ANGPTL3: variants seen among roughly 807,000 people sequenced by gnomAD.
ANGPTL3 encodes angiopoietin-related protein 3.
A neutral mutation model predicts 52.7 loss-of-function variants in ANGPTL3; 51 were observed. The observed-to-expected ratio is 0.97, with a 90% CI of 0.77 to 1.22. The LOEUF (loss-of-function observed/expected upper bound fraction) is 1.22. Among genes scored for constraint, ANGPTL3 ranks in the 50% most tolerant of loss-of-function variants. The pLI is 0.00. For synonymous variants in ANGPTL3, 185 were observed against 179.8 expected, an observed-to-expected ratio of 1.03 and a Z score of -0.23; for missense variants, 506 against 520.7, an observed-to-expected ratio of 0.97 and a Z score of 0.27.
chr1:62,598,141 T>A (rs1649564340), intron 1 of ANGPTL3, 80 bp downstream of exon 1: 2 of 1,291,764 alleles, frequency 1.5e-6, no homozygotes, highest in Non-Finnish European at 2.1e-6. Context: ...GGCATGCCAT[T>A]TGAAATACTT....
intron 5 of ANGPTL3, among the ~76,000 whole-genome samples, chr1:62,603,638 TAA>T (rs1171356428): frequency 6.6e-6 from 1 of 151,782 alleles, no homozygotes; most frequent in Non-Finnish European, 1.5e-5. Context: ...TTTATCCATA[TAA>T]AGACTTGCAA....
chr1:62,598,823 A>C lies in ANGPTL3; in HGVS notation c.606+17A>C. On this transcript the variant is annotated intron_variant, in intron 2 of 6. Transcript: ENST00000371129. ...GAAAATCAGGTAAGTCAGTATTTTA[A>C]TGGTATGTCCCATCTTTCACACAGG... 1 of 1,439,684 alleles carries C rather than the reference A, an allele frequency of 6.9e-7. No homozygotes were observed. Among genetic ancestry groups the C allele is most frequent in the Non-Finnish European group, 9.8e-7 (1 of 1,022,460 alleles). 89.2% of individuals were successfully genotyped at this position (1,439,684 alleles called of 1,614,324 possible).
chr1:62,604,455 T>C (rs1650647564), intron 6 of ANGPTL3, 178 bp from the exon 7 acceptor site: 2 of 897,832 alleles, frequency 2.2e-6, no homozygotes, highest in South Asian at 1.8e-5. Context: ...TGGTAGTGTA[T>C]AGATTATTTA....
At position 62,601,905 on chromosome 1, in the gene ANGPTL3, A is replaced by G. The variant is rs770842763; in HGVS notation, c.835+23A>G. On this transcript the variant is annotated intron_variant, in intron 4 of 6. Coordinates refer to ENST00000371129, the MANE Select transcript of ANGPTL3 (RefSeq NM_014495.4). Reference sequence around the variant, plus strand: ...CAGGTAAAACCTGTCTAAGGAGAATAGACAGTAGTTAGTTCAACTTACTCA... The same window carrying G: ...CAGGTAAAACCTGTCTAAGGAGAATGGACAGTAGTTAGTTCAACTTACTCA... 5.4e-6 allele frequency: 8 copies of G among 1,491,652 alleles called. No individual in the cohort carries two copies. In the Admixed American group the frequency reaches 6.7e-5, roughly 13 times the overall value. The allele number at this position is 1,491,652 out of a possible 1,614,324, so 92.4% of individuals were successfully genotyped here.
In ANGPTL3 at chr1:62,601,876, A is replaced by G. The variant is rs985004442; in HGVS notation, c.829A>G (p.Ile277Val). The change falls in exon 4 of 7, where the codon ATA becomes GTA. Residue 277 changes from isoleucine to valine, a missense_variant. Transcript: ENST00000371129. ...AGTTTTTCATGTCTACTGTGATGTT[A>G]TATCAGGTAAAACCTGTCTAAGGAG... ...SQVFHVYCDVISGSPWTLIQH... is the reference protein window; with the variant it reads ...SQVFHVYCDVVSGSPWTLIQH... 26 of 1,601,792 alleles carry G rather than the reference A, an allele frequency of 1.6e-5. No homozygotes were observed. Among genetic ancestry groups the G allele is most frequent in the South Asian group, 2.2e-5 (2 of 90,822 alleles).
Position 62,604,629 on chromosome 1 carries a change from T to C in ANGPTL3, c.1199-4T>C, listed in dbSNP as rs376061043. 1.2e-6 allele frequency: 2 copies of C among 1,612,754 alleles called. No individual in the cohort carries two copies. Among genetic ancestry groups the C allele is most frequent in the African/African-American group, 2.7e-5 (2 of 74,862 alleles). On this transcript the variant is annotated splice_region_variant and splice_polypyrimidine_tract_variant and intron_variant, in intron 6 of 6. Coordinates refer to ENST00000371129, the MANE Select transcript of ANGPTL3 (RefSeq NM_014495.4). ...CCATTAAATTGCATATCTATCTCCT[T>C]TAGGAGGCTGGTGGTGGCATGATGA...
At chr1:62,604,353 C>T in intron 6 of ANGPTL3, 118 bp downstream of exon 6, 1 of 1,282,598 alleles carries the variant, frequency 7.8e-7, no homozygotes, top group South Asian at 1.3e-5. Context: ...AGCGTTTTCT[C>T]TCTAGACGAA....
Position 62,605,043 on chromosome 1 carries a change from T to C in ANGPTL3, c.*226T>C, listed in dbSNP as rs1190953405. Reference sequence around the variant, plus strand: ...ATAATACTATTTGTTTTAAATTTTGTGATGTGGGAATCAATTTTAGATGGT... The same window carrying C: ...ATAATACTATTTGTTTTAAATTTTGCGATGTGGGAATCAATTTTAGATGGT... On this transcript the variant is annotated 3_prime_UTR_variant, in exon 7 of 7. Transcript: ENST00000371129. 2.2e-6 allele frequency: 1 copy of C among 465,026 alleles called. No homozygotes were observed. Among genetic ancestry groups the C allele is most frequent in the Non-Finnish European group, 3.8e-6 (1 of 261,704 alleles). 28.8% of individuals were successfully genotyped at this position (465,026 alleles called of 1,614,324 possible). A position where few individuals can be genotyped will look rare whatever the true frequency, so the allele number is the denominator to read the frequency against.
chr1:62,604,316 A>T, intron 6 of ANGPTL3, 81 bp downstream of exon 6: 3 of 1,538,456 alleles, frequency 2.0e-6, no homozygotes, highest in Non-Finnish European at 2.7e-6. Flanking sequence ...CTGCAATGAC[A>T]ACTTTTAAAA....
In ANGPTL3 at chr1:62,605,135, CTTTTA is replaced by C. The variant is rs1650794109; in HGVS notation, c.*324_*328del. On this transcript the variant is annotated 3_prime_UTR_variant, in exon 7 of 7. Transcript: ENST00000371129. ...CTTTTCTAAATAAAAAATTTAGAGACTTTTATTTTAAAAGGCATCATATGAGCTAA... is the reference window on the plus strand; with the variant it reads ...CTTTTCTAAATAAAAAATTTAGAGACTTTTAAAAGGCATCATATGAGCTAA... 8.3e-6 allele frequency: 2 copies of C among 241,276 alleles called. No homozygotes were observed. Among genetic ancestry groups the C allele is most frequent in the South Asian group, 1.2e-4 (2 of 16,830 alleles). 14.9% of individuals were successfully genotyped at this position (241,276 alleles called of 1,614,324 possible).
At chr1:62,604,331 G>A (rs1187781335) in intron 6 of ANGPTL3, 96 bp downstream of exon 6, 17 of 1,474,260 alleles carry the variant, frequency 1.2e-5, no homozygotes, top group South Asian at 4.8e-5. Flanking sequence ...TTAAAAATCC[G>A]AATCCCAAAT....
Position 62,597,676 on chromosome 1 carries a change from T to G in ANGPTL3, c.110T>G (p.Phe37Cys). 1 of 1,613,554 alleles carries G rather than the reference T, an allele frequency of 6.2e-7. No individual in the cohort carries two copies. Among genetic ancestry groups the G allele is most frequent in the Non-Finnish European group, 8.5e-7 (1 of 1,179,700 alleles). The stretch of plus-strand genomic sequence containing the variant: ...CTATCTCCAGAGCCAAAATCAAGAT[T>G]TGCTATGTTAGACGATGTAAAAATT... ...DSLSPEPKSR[F>C]AMLDDVKILA... The change falls in exon 1 of 7, where the codon TTT (phenylalanine) becomes TGT (cysteine). Residue 37 changes from phenylalanine (F) to cysteine (C), a missense_variant. Phe to Cys is a radical substitution (Grantham distance 205). Coordinates refer to ENST00000371129, the MANE Select transcript of ANGPTL3 (RefSeq NM_014495.4).
At position 62,605,149 on chromosome 1, in the gene ANGPTL3, G is replaced by A; in HGVS notation, c.*332G>A. ...AAATTTAGAGACTTTTATTTTAAAA[G>A]GCATCATATGAGCTAATATCACAAC... On this transcript the variant is annotated 3_prime_UTR_variant, in exon 7 of 7. Transcript: ENST00000371129. 1 of 232,396 alleles carries A rather than the reference G, an allele frequency of 4.3e-6. No individual in the cohort carries two copies. The highest frequency in any genetic ancestry group is 1.1e-4 in the East Asian group (1 of 9,118). The allele number at this position is 232,396 out of a possible 1,614,324, so 14.4% of individuals were successfully genotyped here.
chr1:62,600,894 G>T, intron 2 of ANGPTL3, 188 bp from the exon 3 acceptor site: 1 of 504,510 alleles, frequency 2.0e-6, no homozygotes, highest in Non-Finnish European at 3.6e-6. Flanking sequence ...ATTAAATAAT[G>T]TCCCTGATTA....
rs947360808 is a variant in ANGPTL3, at chr1:62,605,633, G to A, written c.*816G>A. ...AACATATTTGTGGCATCGAGTTAAA[G>A]TTTATATTTCCCCTAAATATGCTGT... On this transcript the variant is annotated 3_prime_UTR_variant, in exon 7 of 7. Coordinates refer to ENST00000371129, the MANE Select transcript of ANGPTL3 (RefSeq NM_014495.4). 2 of 152,368 alleles carry A rather than the reference G, an allele frequency of 1.3e-5. No homozygotes were observed. Among genetic ancestry groups the A allele is most frequent in the African/African-American group, 4.8e-5 (2 of 41,406 alleles). 9.4% of individuals were successfully genotyped at this position (152,368 alleles called of 1,614,324 possible). A position where few individuals can be genotyped will look rare whatever the true frequency, so the allele number is the denominator to read the frequency against.
In ANGPTL3 at chr1:62,604,121, C is replaced by G. The variant is rs773601850; in HGVS notation, c.1084C>G (p.Leu362Val). ...TCACGAAACCAACTATACGCTACAT[C>G]TAGTTGCGATTACTGGCAATGTCCC... ...GNHETNYTLHLVAITGNVPNA... is the reference protein window; with the variant it reads ...GNHETNYTLHVVAITGNVPNA... Residue 362 changes from leucine to valine, a missense_variant, in exon 6 of 7, where the codon CTA becomes GTA. Physicochemically the swap from Leu to Val is conservative, Grantham distance 32. Coordinates refer to ENST00000371129, the MANE Select transcript of ANGPTL3 (RefSeq NM_014495.4). 6.2e-7 allele frequency: 1 copy of G among 1,613,328 alleles called. No individual in the cohort carries two copies. Among genetic ancestry groups the G allele is most frequent in the Non-Finnish European group, 8.5e-7 (1 of 1,179,488 alleles).
chr1:62,598,131 G>C (rs1276002981), intron 1 of ANGPTL3, 70 bp downstream of exon 1: 1 of 1,382,288 alleles, frequency 7.2e-7, no homozygotes, highest in Non-Finnish European at 9.7e-7. Flanking sequence ...ATATTTCTAA[G>C]GCATGCCATT....
chr1:62,601,384 T>A (rs986267298), intron 3 of ANGPTL3, among the ~76,000 whole-genome samples, 188 bp downstream of exon 3: 5 of 151,590 alleles, frequency 3.3e-5, no homozygotes, highest in Non-Finnish European at 7.4e-5. Flanking sequence ...GAAATACAAA[T>A]ATGGACTTGA....
At chr1:62,599,354 T>C (rs1649771051) in intron 2 of ANGPTL3, among the ~76,000 whole-genome samples, 2 of 152,008 alleles carry the variant, frequency 1.3e-5, no homozygotes, top group African/African-American at 2.4e-5. Flanking sequence ...TCTTCTGCCC[T>C]GGTATCTACG....
Sources: allele counts gnomAD v4.1 joint callset (sites outside exome capture counted in the v4.1 genomes callset), GRCh38; gene constraint gnomAD v4.1.1; transcripts MANE v1.5; gene names NCBI Gene and HGNC (gene_info 2026-07-23, HGNC 2026-07-21).